Variants in GRM5 observed in about 807,000 individuals in gnomAD.
GRM5 encodes the protein glutamate metabotropic receptor 5, also known as metabotropic glutamate receptor 5.
GRM5 carries 19 observed loss-of-function variants against 83.1 expected under a neutral mutation model. The ratio of observed to expected loss-of-function variants is 0.23; its 90% CI spans 0.16 to 0.34. The LOEUF is 0.34. Among genes scored for constraint, GRM5 ranks in the 10% least tolerant of loss-of-function variants. GRM5 has a pLI of 1.00. For synonymous variants in GRM5, 675 were observed against 633.6 expected, an observed-to-expected ratio of 1.07 and a Z score of -0.98; for missense variants, 1,160 against 1,588.3, an observed-to-expected ratio of 0.73 and a Z score of 4.58.
chr11:88,866,270 G>A (rs1944663332), intron 2 of GRM5, among the ~76,000 whole-genome samples: 1 of 151,976 alleles, frequency 6.6e-6, no homozygotes, highest in Non-Finnish European at 1.5e-5. Context: ...GGATGAAGCT[G>A]GAAACCATCA....
At chr11:88,524,038 C>A (rs1361656988) in intron 9 of GRM5, 1 of 152,042 alleles carries the variant, frequency 6.6e-6, no homozygotes, top group Non-Finnish European at 1.5e-5. Flanking sequence ...TACCTCTACA[C>A]CACAGATGGA....
At chr11:88,522,515 G>A (rs540925595) in intron 9 of GRM5, among the ~76,000 whole-genome samples, 2 of 151,456 alleles carry the variant, frequency 1.3e-5, no homozygotes, top group South Asian at 2.1e-4. Flanking sequence ...CTTTTCATAT[G>A]TCTCTAGGCC....
chr11:88,996,918 A>G (rs192931844), intron 2 of GRM5, among the ~76,000 whole-genome samples: 52 of 152,376 alleles, frequency 3.4e-4, no homozygotes, highest in African/African-American at 1.2e-3. Context: ...AGGAAGTATC[A>G]AGATAGAACT....
At chr11:88,843,962 T>C (rs1457423727) in intron 3 of GRM5, among the ~76,000 whole-genome samples, 19 of 152,168 alleles carry the variant, frequency 1.2e-4, no homozygotes, top group Non-Finnish European at 1.8e-4. Context: ...TTTCACGAGG[T>C]TGAAGACAGG....
chr11:88,566,312 C>G (rs1436790506), intron 8 of GRM5, among the ~76,000 whole-genome samples: 2 of 150,446 alleles, frequency 1.3e-5, no homozygotes, highest in Non-Finnish European at 2.9e-5. Context: ...AAGGAAGTTC[C>G]TTATATGGGG....
intron 3 of GRM5, among the ~76,000 whole-genome samples, chr11:88,751,057 A>G (rs927043123): frequency 7.7e-6 from 1 of 129,206 alleles, no homozygotes; most frequent in African/African-American, 3.1e-5. Flanking sequence ...AACAAACCCC[A>G]AAGATAGCAG....
intron 3 of GRM5, among the ~76,000 whole-genome samples, chr11:88,810,711 A>C (rs992702): frequency 0.32 from 49,208 of 151,932 alleles, 8,553 homozygotes; most frequent in South Asian, 0.55. Context: ...TTAAATATTC[A>C]AAGTTAAATT....
chr11:88,782,841 T>C lies in GRM5; in HGVS notation c.911+67065A>G, dbSNP rs980808566. Among the ~76,000 whole-genome samples, 6 of 152,250 alleles carry C rather than the reference T, an allele frequency of 3.9e-5. No homozygotes were observed. The East Asian group carries it at 9.7e-4, about 25-fold the overall frequency. On this transcript the variant is annotated intron_variant, in intron 3 of 9. Coordinates refer to ENST00000305447, the MANE Select transcript of GRM5 (RefSeq NM_001143831.3). ...AGGAAACATCAATAGTGATAATGGC[T>C]GAACTCATTCATGGACCACTCACTA...
intron 3 of GRM5, among the ~76,000 whole-genome samples, chr11:88,779,148 G>A (rs187032139): frequency 1.3e-5 from 2 of 152,308 alleles, no homozygotes; most frequent in Non-Finnish European, 2.9e-5. Flanking sequence ...GTATTTAAAT[G>A]GGGTTCTTGT....
At chr11:88,944,091 G>C (rs1938197708) in intron 2 of GRM5, among the ~76,000 whole-genome samples, 2 of 152,008 alleles carry the variant, frequency 1.3e-5, no homozygotes, top group Admixed American at 6.6e-5. Flanking sequence ...GCATCTTGAA[G>C]GATAAGTTGG....
At chr11:89,045,905 G>A (rs868280984) in intron 2 of GRM5, among the ~76,000 whole-genome samples, 2 of 152,038 alleles carry the variant, frequency 1.3e-5, no homozygotes, top group East Asian at 1.9e-4. Flanking sequence ...TATTCTTCTT[G>A]TTAAATTTCA....
intron 3 of GRM5, among the ~76,000 whole-genome samples, chr11:88,777,814 C>T (rs187332933): frequency 7.2e-4 from 109 of 152,270 alleles, no homozygotes; most frequent in Middle Eastern, 3.4e-3. Context: ...CTGCCTGATC[C>T]TTCCTCTGGA....
intron 2 of GRM5, among the ~76,000 whole-genome samples, chr11:88,871,282 C>T (rs1565270168): frequency 6.6e-6 from 1 of 151,522 alleles, no homozygotes; most frequent in Admixed American, 6.6e-5. Flanking sequence ...TAAAGGGACA[C>T]AGAATAAGAA....
At chr11:88,608,856 A>G (rs1938241565) in intron 4 of GRM5, among the ~76,000 whole-genome samples, 1 of 152,108 alleles carries the variant, frequency 6.6e-6, no homozygotes, top group Non-Finnish European at 1.5e-5. Flanking sequence ...CTCAGTGCCT[A>G]GAACAATTTC....
At chr11:88,794,370 A>C (rs1394077661) in intron 3 of GRM5, among the ~76,000 whole-genome samples, 1 of 152,182 alleles carries the variant, frequency 6.6e-6, no homozygotes, top group Non-Finnish European at 1.5e-5. Context: ...TTTTGTTCTT[A>C]TCAATCTGAA....
At chr11:88,648,653 TA>T (rs66739287) in intron 4 of GRM5, among the ~76,000 whole-genome samples, 17,921 of 148,400 alleles carry the variant, frequency 0.12, 2,306 homozygotes, top group African/African-American at 0.33. Flanking sequence ...TAAAGTATAA[TA>T]AAAAAAAAAA....
intron 2 of GRM5, among the ~76,000 whole-genome samples, chr11:88,852,813 A>G (rs1375400077): frequency 6.6e-6 from 1 of 152,102 alleles, no homozygotes; most frequent in Non-Finnish European, 1.5e-5. Flanking sequence ...GTCTTCCAAT[A>G]AAATGGAAAA....
chr11:88,938,455 A>AAAAGAT (rs1385894000), intron 2 of GRM5, among the ~76,000 whole-genome samples: 1 of 151,656 alleles, frequency 6.6e-6, no homozygotes, highest in Non-Finnish European at 1.5e-5. Context: ...AAGAAAAAGA[A>AAAAGAT]AAAGATAATT....
At chr11:88,611,762 G>GTTGT (rs1361536755) in intron 4 of GRM5, among the ~76,000 whole-genome samples, 2 of 151,960 alleles carry the variant, frequency 1.3e-5, no homozygotes, top group Non-Finnish European at 2.9e-5. Context: ...TAGCTTTGAT[G>GTTGT]TTGTTTGGCT....
Sources: gnomAD v4.1 joint callset for allele counts (sites outside exome capture counted in the v4.1 genomes callset) on GRCh38, gnomAD v4.1.1 for gene constraint, MANE v1.5 for transcripts, NCBI Gene and HGNC (gene_info 2026-07-23, HGNC 2026-07-21) for gene names.